TCF7L2: variants seen among roughly 807,000 people sequenced by gnomAD.
TCF7L2 encodes the protein transcription factor 7-like 2.
A neutral mutation model predicts 77.9 loss-of-function variants in TCF7L2; 23 were observed. That is an observed-to-expected ratio of 0.30 (90% confidence interval 0.21 to 0.42). The LOEUF (loss-of-function observed/expected upper bound fraction) is 0.42, where lower values mean the gene tolerates loss of function less well. TCF7L2 is among the 10% of genes least tolerant of loss of function. The pLI is 1.00. For synonymous variants in TCF7L2, 413 were observed against 340.2 expected, an observed-to-expected ratio of 1.21 and a Z score of -2.36; for missense variants, 654 against 793.1, an observed-to-expected ratio of 0.82 and a Z score of 2.11.
intron 8 of TCF7L2, among the ~76,000 whole-genome samples, chr10:113,147,665 T>C (rs1449234993): frequency 6.6e-6 from 1 of 152,208 alleles, no homozygotes; most frequent in African/African-American, 2.4e-5. Context: ...TCTATTAGTG[T>C]AGCAGCTTAT....
At chr10:113,075,771 T>C (rs1276026583) in intron 5 of TCF7L2, among the ~76,000 whole-genome samples, 3 of 152,190 alleles carry the variant, frequency 2.0e-5, no homozygotes, top group Non-Finnish European at 4.4e-5. Context: ...TGTGAAGTCA[T>C]TGCATTTGCA....
chr10:113,125,338 C>G (rs926812609), intron 5 of TCF7L2, among the ~76,000 whole-genome samples: 63 of 149,732 alleles, frequency 4.2e-4, no homozygotes, highest in African/African-American at 1.6e-3. Context: ...TTTTTAATTT[C>G]TAGCCACCAC....
At chr10:113,073,148 G>GAC (rs2058272655) in intron 5 of TCF7L2, among the ~76,000 whole-genome samples, 1 of 150,428 alleles carries the variant, frequency 6.6e-6, no homozygotes, top group African/African-American at 2.5e-5. Context: ...GAGAGAGAGA[G>GAC]AGACAGAGAG....
At chr10:112,965,629 ATGTGTGTGTGTGTGTG>A (rs59587175) in intron 4 of TCF7L2, among the ~76,000 whole-genome samples, 129 of 137,320 alleles carry the variant, frequency 9.4e-4, no homozygotes, top group African/African-American at 2.1e-3. Flanking sequence ...GTGTGTGTAT[ATGTGTGTGTGTGTGTG>A]TGTGTGTGTG....
At chr10:113,015,908 G>C (rs964412342) in intron 4 of TCF7L2, among the ~76,000 whole-genome samples, 19 of 152,222 alleles carry the variant, frequency 1.2e-4, no homozygotes, top group African/African-American at 4.1e-4. Context: ...TCCCACTGTG[G>C]TGACAGAGCA....
intron 5 of TCF7L2, among the ~76,000 whole-genome samples, chr10:113,117,418 TCTCTCTC>T (rs2063936298): frequency 1.4e-4 from 6 of 41,762 alleles, no homozygotes; most frequent in African/African-American, 5.3e-4. Flanking sequence ...TCTCTCTCTC[TCTCTCTC>T]TCTCTCTCCC....
chr10:113,082,209 C>G (rs1011623727), intron 5 of TCF7L2, among the ~76,000 whole-genome samples: 6 of 150,750 alleles, frequency 4.0e-5, no homozygotes, highest in Non-Finnish European at 7.4e-5. Flanking sequence ...CATCTTATTA[C>G]CTTTCATCCC....
At chr10:113,156,741 T>A (rs947540545) in intron 11 of TCF7L2, among the ~76,000 whole-genome samples, 2 of 152,206 alleles carry the variant, frequency 1.3e-5, no homozygotes, top group Non-Finnish European at 2.9e-5. Context: ...TAAAAGAGCT[T>A]CCTTGGAGGG....
chr10:113,121,572 G>A (rs2064780942), intron 5 of TCF7L2, among the ~76,000 whole-genome samples: 1 of 152,142 alleles, frequency 6.6e-6, no homozygotes, highest in African/African-American at 2.4e-5. Flanking sequence ...TATCAACATT[G>A]GGGGGTGAAT....
intron 4 of TCF7L2, among the ~76,000 whole-genome samples, chr10:112,978,994 C>G (rs1191717668): frequency 6.6e-6 from 1 of 152,146 alleles, no homozygotes; most frequent in East Asian, 1.9e-4. Flanking sequence ...TATCCCTACT[C>G]CTACATTGTT....
At chr10:113,050,454 G>C (rs1165505788) in intron 5 of TCF7L2, among the ~76,000 whole-genome samples, 1 of 152,128 alleles carries the variant, frequency 6.6e-6, no homozygotes, top group Non-Finnish European at 1.5e-5. Context: ...CCCAACTCAA[G>C]AACACACTAA....
chr10:113,152,558 C>T, intron 11 of TCF7L2, 118 bp downstream of exon 11: 1 of 774,582 alleles, frequency 1.3e-6, no homozygotes, highest in Non-Finnish European at 2.1e-6. Context: ...ATCCAATCTG[C>T]CCGCTTTGGG....
intron 6 of TCF7L2, among the ~76,000 whole-genome samples, chr10:113,142,773 A>G (rs913947891): frequency 6.6e-6 from 1 of 152,212 alleles, no homozygotes; most frequent in African/African-American, 2.4e-5. Flanking sequence ...TAATGGTAGT[A>G]CAGGGAATAG....
At chr10:112,965,758 T>C (rs2036627671) in intron 4 of TCF7L2, among the ~76,000 whole-genome samples, 2 of 152,012 alleles carry the variant, frequency 1.3e-5, no homozygotes, top group Admixed American at 6.6e-5. Flanking sequence ...GACTTCCAGA[T>C]AGCTGTTTGC....
intron 4 of TCF7L2, among the ~76,000 whole-genome samples, chr10:112,971,099 A>G (rs2038144096): frequency 6.6e-6 from 1 of 152,214 alleles, no homozygotes; most frequent in African/African-American, 2.4e-5. Flanking sequence ...AAATATTTGC[A>G]TCTAATGTGT....
intron 4 of TCF7L2, among the ~76,000 whole-genome samples, chr10:112,999,906 C>T (rs1392226624): frequency 2.0e-5 from 3 of 152,164 alleles, no homozygotes; most frequent in South Asian, 2.1e-4. Context: ...CTGGCCATCT[C>T]GATTTACCTC....
intron 8 of TCF7L2, among the ~76,000 whole-genome samples, chr10:113,148,102 T>C (rs2069898110): frequency 6.6e-6 from 1 of 152,200 alleles, no homozygotes; most frequent in Non-Finnish European, 1.5e-5. Flanking sequence ...TTCATTCTAT[T>C]CAGCAGTGGG....
intron 5 of TCF7L2, among the ~76,000 whole-genome samples, chr10:113,112,350 A>G (rs980901063): frequency 1.3e-5 from 2 of 152,220 alleles, no homozygotes; most frequent in Admixed American, 6.5e-5. Context: ...ACACACACAC[A>G]TGCACACATG....
intron 5 of TCF7L2, among the ~76,000 whole-genome samples, chr10:113,051,020 C>A (rs1166734826): frequency 3.3e-5 from 5 of 151,634 alleles, no homozygotes; most frequent in Admixed American, 2.0e-4. Flanking sequence ...CTGATAATGG[C>A]ATTTCCTATC....
Sources: gnomAD v4.1 joint callset for allele counts (sites outside exome capture counted in the v4.1 genomes callset) on GRCh38, gnomAD v4.1.1 for gene constraint, MANE v1.5 for transcripts, NCBI Gene and HGNC (gene_info 2026-07-23, HGNC 2026-07-21) for gene names.